The following MAP2K6 variants were observed in gnomAD, a reference collection of about 807,000 sequenced individuals.
MAP2K6 encodes dual specificity mitogen-activated protein kinase kinase 6.
In MAP2K6, 16 loss-of-function variants were observed where a neutral mutation model predicts 53.7. The observed-to-expected ratio is 0.30, with a 90% CI of 0.20 to 0.45. The LOEUF (loss-of-function observed/expected upper bound fraction) is 0.45, where lower values mean the gene tolerates loss of function less well. Ranked by LOEUF, MAP2K6 falls within the 20% of genes least tolerant of loss-of-function variation. The pLI, the probability that MAP2K6 is intolerant of heterozygous loss-of-function variation, is 1.00. For missense variants in MAP2K6, 204 were observed against 411.9 expected, an observed-to-expected ratio of 0.50 and a Z score of 4.37; for synonymous variants, 132 against 143.1, an observed-to-expected ratio of 0.92 and a Z score of 0.55.
chr17:69,418,901 C>A (rs1399730091), intron 1 of MAP2K6, among the ~76,000 whole-genome samples: 1 of 151,514 alleles, frequency 6.6e-6, no homozygotes. Flanking sequence ...ATATGCTAAT[C>A]AAAAAATTCA....
chr17:69,444,365 T>C (rs1396294002), intron 1 of MAP2K6, among the ~76,000 whole-genome samples: 1 of 152,160 alleles, frequency 6.6e-6, no homozygotes, highest in African/African-American at 2.4e-5. Context: ...GTCAATGAGT[T>C]TTTTGTTAAA....
At chr17:69,517,424 G>A (rs970069127) in intron 3 of MAP2K6, 76 bp from the exon 4 acceptor site, 11 of 718,176 alleles carry the variant, frequency 1.5e-5, no homozygotes, top group African/African-American at 1.5e-4. Flanking sequence ...TGAGAGAAAC[G>A]AGATAGAGGA....
In MAP2K6 at chr17:69,458,891, A is replaced by G. The variant is rs78324725; in HGVS notation, c.16+43891A>G. Among the ~76,000 whole-genome samples the G allele has an allele frequency of 1.3e-3, 199 of 152,256 alleles. 6 individuals are homozygous for G. In the East Asian group the frequency reaches 0.037, roughly 28 times the overall value. On this transcript the variant is annotated intron_variant, in intron 1 of 11. Coordinates refer to ENST00000590474, the MANE Select transcript of MAP2K6 (RefSeq NM_002758.4). ...TCTCCACCAAAACTCTTCTCTCAAA[A>G]GTCACCAGGGACTTCCTTATTTTCA...
chr17:69,416,473 T>G (rs925181520), intron 1 of MAP2K6, among the ~76,000 whole-genome samples: 1 of 152,228 alleles, frequency 6.6e-6, no homozygotes, highest in Non-Finnish European at 1.5e-5. Context: ...CATGCTTTGA[T>G]GTATTAAAGA....
At position 69,426,414 on chromosome 17, in the gene MAP2K6, C is replaced by T. The variant is rs376668312; in HGVS notation, c.16+11414C>T. Among the ~76,000 whole-genome samples, 9 of 152,190 alleles carry T rather than the reference C, an allele frequency of 5.9e-5. No individual in the cohort carries two copies. In the East Asian group the frequency reaches 1.7e-3, roughly 29 times the overall value. On this transcript the variant is annotated intron_variant, in intron 1 of 11. Coordinates refer to ENST00000590474, the MANE Select transcript of MAP2K6 (RefSeq NM_002758.4). ...CATGCTTTGGCCAGTGCTTGGCATTCATTTATTCAACAAATATTTATGAGT... is the reference window on the plus strand; with the variant it reads ...CATGCTTTGGCCAGTGCTTGGCATTTATTTATTCAACAAATATTTATGAGT...
intron 7 of MAP2K6, chr17:69,521,325 G>A (rs919130752): frequency 1.2e-5 from 5 of 417,922 alleles, no homozygotes; most frequent in African/African-American, 1.0e-4. Flanking sequence ...CATCCAAATT[G>A]AATATAAACA....
At chr17:69,498,025 C>T (rs1471322412) in intron 1 of MAP2K6, among the ~76,000 whole-genome samples, 5 of 53,726 alleles carry the variant, frequency 9.3e-5, no homozygotes, top group Non-Finnish European at 1.8e-4. Flanking sequence ...ATCACACATA[C>T]CCGCTGTTAT....
chr17:69,420,836 C>T (rs1177399274), intron 1 of MAP2K6, among the ~76,000 whole-genome samples: 1 of 152,046 alleles, frequency 6.6e-6, no homozygotes, highest in African/African-American at 2.4e-5. Flanking sequence ...GTATAATGAG[C>T]AGGGGTTATT....
intron 1 of MAP2K6, among the ~76,000 whole-genome samples, chr17:69,455,650 G>T (rs1567823993): frequency 6.6e-6 from 1 of 152,134 alleles, no homozygotes; most frequent in East Asian, 1.9e-4. Context: ...TCTACAAACA[G>T]TGAGATGGTG....
chr17:69,463,738 A>G (rs1907707784), intron 1 of MAP2K6, among the ~76,000 whole-genome samples: 1 of 152,114 alleles, frequency 6.6e-6, no homozygotes, highest in Non-Finnish European at 1.5e-5. Flanking sequence ...CTACTTAGAA[A>G]GAATTTTATT....
intron 1 of MAP2K6, among the ~76,000 whole-genome samples, chr17:69,427,170 CT>C (rs1906299724): frequency 2.0e-5 from 3 of 152,334 alleles, no homozygotes; most frequent in Admixed American, 2.0e-4. Flanking sequence ...ACATGCCAAC[CT>C]GCCTTTTCCA....
chr17:69,523,429 T>G, intron 7 of MAP2K6, 85 bp from the exon 8 acceptor site: 1 of 1,560,164 alleles, frequency 6.4e-7, no homozygotes, highest in Non-Finnish European at 8.8e-7. Flanking sequence ...GAAGGACAAA[T>G]GGAGATTTTA....
chr17:69,502,008 A>G (rs1353465922), intron 1 of MAP2K6: 2 of 273,766 alleles, frequency 7.3e-6, no homozygotes, highest in Non-Finnish European at 1.1e-5. Flanking sequence ...AAGTAAACAC[A>G]GCTGGAAACT....
rs115644430 is a variant in MAP2K6, at chr17:69,421,497, C to T, written c.16+6497C>T. Among the ~76,000 whole-genome samples, 930 of 151,544 alleles carry T rather than the reference C, an allele frequency of 6.1e-3. 10 individuals are homozygous for T. Among genetic ancestry groups the T allele is most frequent in the African/African-American group, 0.021 (879 of 41,352 alleles). On this transcript the variant is annotated intron_variant, in intron 1 of 11. Coordinates refer to ENST00000590474, the MANE Select transcript of MAP2K6 (RefSeq NM_002758.4). ...GGAGCTGGTTTTTAAGTCTATGAGGCTTCTGAAGGATTGTCAGAGACAATC... is the reference window on the plus strand; with the variant it reads ...GGAGCTGGTTTTTAAGTCTATGAGGTTTCTGAAGGATTGTCAGAGACAATC...
At chr17:69,459,827 C>A (rs757742439) in intron 1 of MAP2K6, among the ~76,000 whole-genome samples, 4 of 151,332 alleles carry the variant, frequency 2.6e-5, no homozygotes, top group African/African-American at 4.9e-5. Context: ...GCCTCCTTCC[C>A]TCCCTTCCTC....
At chr17:69,529,674 C>A (rs577532640) in intron 10 of MAP2K6, among the ~76,000 whole-genome samples, 1 of 151,608 alleles carries the variant, frequency 6.6e-6, no homozygotes, top group East Asian at 1.9e-4. Flanking sequence ...CCACGCCCGG[C>A]TAATTTTTTG....
At chr17:69,430,836 T>C (rs1906438625) in intron 1 of MAP2K6, among the ~76,000 whole-genome samples, 1 of 152,190 alleles carries the variant, frequency 6.6e-6, no homozygotes, top group South Asian at 2.1e-4. Flanking sequence ...TCTGGACTTC[T>C]ACATTCAAGG....
At chr17:69,465,616 T>C (rs1419301961) in intron 1 of MAP2K6, among the ~76,000 whole-genome samples, 2 of 95,484 alleles carry the variant, frequency 2.1e-5, no homozygotes, top group South Asian at 6.0e-4. Context: ...TGATGTTTTG[T>C]TTTTTTCTTT....
intron 1 of MAP2K6, among the ~76,000 whole-genome samples, chr17:69,461,744 T>C (rs1907629430): frequency 6.6e-6 from 1 of 152,104 alleles, no homozygotes; most frequent in African/African-American, 2.4e-5. Flanking sequence ...TCGTCCCAAG[T>C]CTAACTCAGA....
Sources: gnomAD v4.1 joint callset for allele counts (sites outside exome capture counted in the v4.1 genomes callset) on GRCh38, gnomAD v4.1.1 for gene constraint, MANE v1.5 for transcripts, NCBI Gene and HGNC (gene_info 2026-07-23, HGNC 2026-07-21) for gene names.